The following PPP2R5E variants were observed in gnomAD, a reference collection of about 807,000 sequenced individuals.
The protein encoded by PPP2R5E is protein phosphatase 2 regulatory subunit B'epsilon.
In PPP2R5E, 4 loss-of-function variants were observed where a neutral mutation model predicts 65.3. That is an observed-to-expected ratio of 0.06 (90% CI 0.03 to 0.14). The LOEUF (loss-of-function observed/expected upper bound fraction) is 0.14. Ranked by LOEUF, PPP2R5E falls within the 10% of genes least tolerant of loss-of-function variation. The pLI is 1.00. For synonymous variants in PPP2R5E, 183 were observed against 187.4 expected, an observed-to-expected ratio of 0.98 and a Z score of 0.19; for missense variants, 274 against 556.1, an observed-to-expected ratio of 0.49 and a Z score of 5.10.
At chr14:63,413,036 G>C (rs1886488912) in intron 5 of PPP2R5E, among the ~76,000 whole-genome samples, 3 of 152,178 alleles carry the variant, frequency 2.0e-5, no homozygotes, top group Non-Finnish European at 4.4e-5. Context: ...TAACAAAAAT[G>C]GAACAAGCTA....
intron 5 of PPP2R5E, among the ~76,000 whole-genome samples, chr14:63,397,764 C>T (rs1333052105): frequency 3.7e-4 from 55 of 147,616 alleles, no homozygotes; most frequent in Admixed American, 3.7e-3. Context: ...TGCTCTGTTG[C>T]CCAGGCTGGA....
chr14:63,523,623 G>GT (rs576169152), intron 2 of PPP2R5E, among the ~76,000 whole-genome samples: 72 of 151,202 alleles, frequency 4.8e-4, no homozygotes, highest in Admixed American at 8.6e-4. Flanking sequence ...TTGTTCACTT[G>GT]TTTATCTGCT....
At chr14:63,497,584 C>G (rs1375949725) in intron 2 of PPP2R5E, among the ~76,000 whole-genome samples, 1 of 150,994 alleles carries the variant, frequency 6.6e-6, no homozygotes, top group Middle Eastern at 3.4e-3. Flanking sequence ...CCCGTCTCTA[C>G]AAAAAACACA....
At chr14:63,471,079 T>C (rs571785394) in intron 2 of PPP2R5E, among the ~76,000 whole-genome samples, 1 of 152,330 alleles carries the variant, frequency 6.6e-6, no homozygotes, top group African/African-American at 2.4e-5. Context: ...ATGACATTCA[T>C]CTAGATTCCA....
intron 2 of PPP2R5E, among the ~76,000 whole-genome samples, chr14:63,465,031 GAA>G (rs34190976): frequency 0.36 from 43,476 of 120,486 alleles, 7,956 homozygotes; most frequent in African/African-American, 0.55. Context: ...TCAAGAAGAA[GAA>G]AAAAAAAAAA....
intron 3 of PPP2R5E, among the ~76,000 whole-genome samples, chr14:63,438,562 G>T (rs1372883678): frequency 6.6e-6 from 1 of 152,160 alleles, no homozygotes; most frequent in Non-Finnish European, 1.5e-5. Flanking sequence ...CCACTGGGGG[G>T]AGGGGTAGAG....
chr14:63,484,345 TCTCACA>T (rs756299040), intron 2 of PPP2R5E, among the ~76,000 whole-genome samples: 28 of 124,264 alleles, frequency 2.3e-4, no homozygotes, highest in African/African-American at 8.9e-4. Context: ...TCTCTCTCTC[TCTCACA>T]CACACACACA....
rs890666034 is a variant in PPP2R5E at position 63,372,478 on chromosome 14, A to T, written c.*3531T>A. 5.3e-5 allele frequency: 8 copies of T among 152,100 alleles called. No individual in the cohort carries two copies. Among genetic ancestry groups the T allele is most frequent in the African/African-American group, 1.9e-4 (8 of 41,420 alleles). 9.4% of individuals were successfully genotyped at this position (152,100 alleles called of 1,614,324 possible). ...CACCTTTTTGTTACAGGTGACTGTC[A>T]CTTTATGATAACATTGGTAATAGCA... is the stretch of plus-strand genomic sequence containing the variant. On this transcript the variant is annotated 3_prime_UTR_variant, in exon 14 of 14. Transcript: ENST00000337537.
chr14:63,507,642 T>G (rs1423407808), intron 2 of PPP2R5E, among the ~76,000 whole-genome samples: 1 of 145,122 alleles, frequency 6.9e-6, no homozygotes, highest in African/African-American at 2.6e-5. Context: ...TGCAGTGGTG[T>G]GATCTCAGCT....
chr14:63,449,281 G>A (rs1888679053), intron 3 of PPP2R5E, among the ~76,000 whole-genome samples: 3 of 152,158 alleles, frequency 2.0e-5, no homozygotes, highest in Admixed American at 6.5e-5. Context: ...TGTGGCAATG[G>A]AATAAAACAC....
chr14:63,388,022 G>A (rs573531768), intron 11 of PPP2R5E, among the ~76,000 whole-genome samples: 21 of 151,948 alleles, frequency 1.4e-4, no homozygotes, highest in South Asian at 2.1e-4. Context: ...CGTTTAAGTC[G>A]CCAGTCTTGT....
At chr14:63,423,256 C>T (rs1248611069) in intron 3 of PPP2R5E, among the ~76,000 whole-genome samples, 4 of 152,060 alleles carry the variant, frequency 2.6e-5, no homozygotes, top group African/African-American at 9.7e-5. Flanking sequence ...CCACCACACC[C>T]GGCTAATTTT....
intron 2 of PPP2R5E, among the ~76,000 whole-genome samples, chr14:63,514,839 C>A (rs1218833063): frequency 1.3e-5 from 2 of 152,178 alleles, no homozygotes; most frequent in Admixed American, 6.6e-5. Context: ...ACATATATCA[C>A]CTCTAAAATG....
intron 12 of PPP2R5E, among the ~76,000 whole-genome samples, chr14:63,383,781 A>C (rs1420014287): frequency 2.0e-5 from 3 of 152,176 alleles, no homozygotes; most frequent in Admixed American, 6.5e-5. Flanking sequence ...GCTGGATGTT[A>C]AACTTCCCTT....
intron 2 of PPP2R5E, among the ~76,000 whole-genome samples, chr14:63,519,074 C>T (rs930533163): frequency 2.0e-5 from 3 of 152,182 alleles, no homozygotes; most frequent in African/African-American, 4.8e-5. Flanking sequence ...ATTAGCCAGG[C>T]GTGGTGGCAC....
chr14:63,422,285 G>C (rs767349333), intron 3 of PPP2R5E, among the ~76,000 whole-genome samples, 191 bp from the exon 4 acceptor site: 4 of 152,122 alleles, frequency 2.6e-5, no homozygotes, highest in Admixed American at 6.5e-5. Flanking sequence ...TAGCAAAGCA[G>C]CACCATCCTA....
chr14:63,501,889 G>A (rs1207647771), intron 2 of PPP2R5E, among the ~76,000 whole-genome samples: 1 of 152,058 alleles, frequency 6.6e-6, no homozygotes, highest in Non-Finnish European at 1.5e-5. Context: ...AAAAATTAGA[G>A]TTTTGTTAAT....
intron 3 of PPP2R5E, among the ~76,000 whole-genome samples, chr14:63,431,245 C>A (rs970610150): frequency 1.3e-5 from 2 of 149,756 alleles, no homozygotes; most frequent in African/African-American, 4.9e-5. Context: ...TCCAGCCTGG[C>A]GACAGAGCTA....
At chr14:63,516,816 G>C (rs1025440269) in intron 2 of PPP2R5E, among the ~76,000 whole-genome samples, 1 of 152,052 alleles carries the variant, frequency 6.6e-6, no homozygotes, top group African/African-American at 2.4e-5. Flanking sequence ...CTAATCCTTC[G>C]GTTCAGTAAT....
Sources: allele counts gnomAD v4.1 joint callset (sites outside exome capture counted in the v4.1 genomes callset), GRCh38; gene constraint gnomAD v4.1.1; transcripts MANE v1.5; gene names NCBI Gene and HGNC (gene_info 2026-07-23, HGNC 2026-07-21).